Variants in SELENOI observed in about 807,000 individuals in gnomAD.
SELENOI encodes the protein selenoprotein I, also known as ethanolaminephosphotransferase 1.
A neutral mutation model predicts 50.7 loss-of-function variants in SELENOI; 24 were observed. The observed-to-expected ratio is 0.47, with a 90% CI of 0.34 to 0.67. SELENOI has a LOEUF of 0.67. Ranked by LOEUF, SELENOI falls within the 30% of genes least tolerant of loss-of-function variation. SELENOI has a pLI of 0.01. For synonymous variants in SELENOI, 155 were observed against 170.2 expected (o/e 0.91, Z 0.70); for missense variants, 352 against 461.4 (o/e 0.76, Z 2.17).
intron 2 of SELENOI, 130 bp downstream of exon 2, chr2:26,364,500 C>T (rs1179373236): frequency 4.7e-6 from 3 of 633,562 alleles, no homozygotes; most frequent in Non-Finnish European, 8.2e-6. Context: ...TCCCCAATCA[C>T]AATACCCCAA....
chr2:26,351,166 C>G (rs780306587), intron 1 of SELENOI, among the ~76,000 whole-genome samples: 13 of 148,008 alleles, frequency 8.8e-5, no homozygotes, highest in Non-Finnish European at 1.5e-4. Flanking sequence ...TCAAGCAATT[C>G]TCGTGCCTCA....
At chr2:26,377,564 C>T (rs532455789) in intron 6 of SELENOI, among the ~76,000 whole-genome samples, 16 of 151,934 alleles carry the variant, frequency 1.1e-4, no homozygotes, top group Non-Finnish European at 1.5e-4. Flanking sequence ...CCCAGGAAGT[C>T]GAGGCTGCAG....
Position 26,386,380 on chromosome 2 carries a change from T to C in SELENOI, c.939T>C (p.Ser313=). 6.2e-7 allele frequency: 1 copy of C among 1,613,480 alleles called. No individual in the cohort carries two copies. The highest frequency in any genetic ancestry group is 8.5e-7 in the Non-Finnish European group (1 of 1,179,706). The change falls in exon 9 of 10, where the codon AGT becomes AGC. Residue 313 remains serine, a synonymous_variant. Coordinates refer to ENST00000260585, the MANE Select transcript of SELENOI (RefSeq NM_033505.4). ...STCQLIVCQM[S]STRCPTLNWL... is the part of the protein sequence containing the mutation. ...GTCAGCTGATTGTTTGCCAAATGAG[T>C]AGTACCCGGTGTCCAACTTTGAATT...
intron 6 of SELENOI, among the ~76,000 whole-genome samples, chr2:26,381,701 G>A (rs1372099497): frequency 1.3e-5 from 2 of 152,150 alleles, no homozygotes; most frequent in Admixed American, 6.5e-5. Context: ...AGGACCTCAG[G>A]TGGTCTTCTC....
intron 9 of SELENOI, 99 bp from the exon 10 acceptor site, chr2:26,388,906 G>A (rs28505876): frequency 2.6e-4 from 228 of 877,776 alleles, no homozygotes; most frequent in African/African-American, 2.5e-3. Context: ...GATTTTTGCC[G>A]TGTCAATAAA....
chr2:26,371,095 G>A (rs1342213249), intron 4 of SELENOI, among the ~76,000 whole-genome samples: 83 of 145,280 alleles, frequency 5.7e-4, no homozygotes, highest in African/African-American at 2.0e-3. Flanking sequence ...GCGGCTGGCC[G>A]GGCCAGGGGC....
intron 6 of SELENOI, 121 bp downstream of exon 6, chr2:26,375,269 C>T (rs1360704769): frequency 3.4e-6 from 2 of 593,652 alleles, no homozygotes; most frequent in Non-Finnish European, 5.9e-6. Context: ...GCAGAACAAC[C>T]CTACAACCTT....
chr2:26,373,398 C>T lies in SELENOI; in HGVS notation c.342C>T (p.Thr114=), dbSNP rs1350832831. 1 of 1,611,934 alleles carries T rather than the reference C, an allele frequency of 6.2e-7. No homozygotes were observed. The highest frequency in any genetic ancestry group is 1.1e-5 in the South Asian group (1 of 90,660). ...TGGACGGAAAGCAAGCTCGCAGAAC[C>T]AATTCTAGCACTCCCTTAGGGGAGC... ...DGVDGKQARR[T]NSSTPLGELF... Residue 114 remains threonine (T), a synonymous_variant, in exon 5 of 10, where the codon ACC becomes ACT. Transcript: ENST00000260585.
At chr2:26,349,842 T>G (rs1676915757) in intron 1 of SELENOI, among the ~76,000 whole-genome samples, 1 of 143,526 alleles carries the variant, frequency 7.0e-6, no homozygotes, top group Non-Finnish European at 1.5e-5. Flanking sequence ...GCACAGTGGC[T>G]CATGCCTGTA....
At chr2:26,353,320 A>G (rs140619611) in intron 1 of SELENOI, among the ~76,000 whole-genome samples, 1 of 152,380 alleles carries the variant, frequency 6.6e-6, no homozygotes, top group Admixed American at 6.5e-5. Context: ...AAACTTGTAA[A>G]GAAATCTCAT....
intron 4 of SELENOI, 55 bp downstream of exon 4, chr2:26,367,275 A>C (rs376778330): frequency 2.1e-5 from 28 of 1,342,650 alleles, no homozygotes; most frequent in African/African-American, 2.9e-5. Context: ...CAGCAAGGAT[A>C]GCCACGTATT....
rs183023971 is a variant in SELENOI at position 26,367,974 on chromosome 2, C to T, written c.310+754C>T. Among the ~76,000 whole-genome samples, 186 of 152,246 alleles carry T rather than the reference C, an allele frequency of 1.2e-3. 1 individual carries two copies. The highest frequency in any genetic ancestry group is 8.5e-4 in the Non-Finnish European group (58 of 68,024). The stretch of plus-strand genomic sequence containing the variant: ...TGTTATCTCTCTTTTCTAACTAAAA[C>T]GTTAAGTTTTGTGAAAGTGAGTACT... On this transcript the variant is annotated intron_variant, in intron 4 of 9. Coordinates refer to ENST00000260585, the MANE Select transcript of SELENOI (RefSeq NM_033505.4).
At chr2:26,373,694 T>G in intron 5 of SELENOI, 65 bp downstream of exon 5, 1 of 1,503,888 alleles carries the variant, frequency 6.6e-7, no homozygotes, top group South Asian at 1.3e-5. Context: ...CTTTTGTCAT[T>G]GCTTATTTAT....
At chr2:26,361,982 T>C (rs1677188648) in intron 1 of SELENOI, among the ~76,000 whole-genome samples, 1 of 152,158 alleles carries the variant, frequency 6.6e-6, no homozygotes, top group African/African-American at 2.4e-5. Flanking sequence ...CTTACTACTG[T>C]CTCAGATCTT....
chr2:26,361,322 C>T (rs7355249), intron 1 of SELENOI, among the ~76,000 whole-genome samples: 16,333 of 152,092 alleles, frequency 0.11, 2,189 homozygotes, highest in African/African-American at 0.32. Context: ...CCAAAGATAC[C>T]GAGGGGCGAC....
At chr2:26,367,274 T>A in intron 4 of SELENOI, 54 bp downstream of exon 4, 1 of 1,340,604 alleles carries the variant, frequency 7.5e-7, no homozygotes, top group Non-Finnish European at 1.0e-6. Context: ...TCAGCAAGGA[T>A]AGCCACGTAT....
rs1210117144 is a variant in SELENOI at position 26,364,483 on chromosome 2, C to A, written c.126+113C>A. On this transcript the variant is annotated intron_variant, in intron 2 of 9. Coordinates refer to ENST00000260585, the MANE Select transcript of SELENOI (RefSeq NM_033505.4). ...CAGTTTCATAAGATATTTAGAGAAA[C>A]CACCCTTCCCCAATCACAATACCCC... 9.8e-5 allele frequency: 67 copies of A among 684,336 alleles called. 1 individual carries two copies. Among genetic ancestry groups the A allele is most frequent in the Non-Finnish European group, 3.2e-5 (13 of 408,446 alleles). 42.4% of individuals were successfully genotyped at this position (684,336 alleles called of 1,614,324 possible).
intron 6 of SELENOI, among the ~76,000 whole-genome samples, chr2:26,382,581 G>C (rs1020461881): frequency 3.9e-5 from 5 of 128,968 alleles, no homozygotes; most frequent in African/African-American, 1.1e-4. Flanking sequence ...GCAGAAGATA[G>C]TAGATAGTGA....
chr2:26,374,085 T>C (rs1363978666), intron 5 of SELENOI, among the ~76,000 whole-genome samples: 1 of 152,162 alleles, frequency 6.6e-6, no homozygotes, highest in Non-Finnish European at 1.5e-5. Flanking sequence ...TTTCTGATAT[T>C]ATATGATAAA....
Sources: gnomAD v4.1 joint callset for allele counts (sites outside exome capture counted in the v4.1 genomes callset) on GRCh38, gnomAD v4.1.1 for gene constraint, MANE v1.5 for transcripts, NCBI Gene and HGNC (gene_info 2026-07-23, HGNC 2026-07-21) for gene names.